MBNL1: variants seen among roughly 807,000 people sequenced by gnomAD.
The protein encoded by MBNL1 is muscleblind like splicing regulator 1, also known as muscleblind-like protein 1.
A neutral mutation model predicts 42.2 loss-of-function variants in MBNL1; 8 were observed. The observed-to-expected ratio is 0.19, with a 90% CI of 0.11 to 0.34. The LOEUF is 0.34. Ranked by LOEUF, MBNL1 falls within the 10% of genes least tolerant of loss-of-function variation. MBNL1 has a pLI of 1.00. For synonymous variants in MBNL1, 169 were observed against 173.9 expected, an observed-to-expected ratio of 0.97 and a Z score of 0.22; for missense variants, 309 against 495.3, an observed-to-expected ratio of 0.62 and a Z score of 3.57.
At chr3:152,401,114 A>C (rs970948492) in intron 2 of MBNL1, among the ~76,000 whole-genome samples, 3 of 152,242 alleles carry the variant, frequency 2.0e-5, no homozygotes, top group African/African-American at 7.2e-5. Flanking sequence ...TAAGCTTTAC[A>C]GTATTGTCAA....
At chr3:152,323,784 C>T (rs1239784749) in intron 2 of MBNL1, among the ~76,000 whole-genome samples, 1 of 152,122 alleles carries the variant, frequency 6.6e-6, no homozygotes, top group Non-Finnish European at 1.5e-5. Flanking sequence ...AGGAATTTTT[C>T]AGCTCCATTG....
chr3:152,286,378 ATATTTAAT>A (rs1457505869), intron 1 of MBNL1, among the ~76,000 whole-genome samples: 1 of 138,128 alleles, frequency 7.2e-6, no homozygotes, highest in South Asian at 2.2e-4. Flanking sequence ...TATAATATAA[ATATTTAAT>A]TATATTTTAT....
At chr3:152,428,234 A>G (rs1016715759) in intron 3 of MBNL1, among the ~76,000 whole-genome samples, 1 of 152,206 alleles carries the variant, frequency 6.6e-6, no homozygotes, top group Admixed American at 6.5e-5. Flanking sequence ...ATCCATTAGT[A>G]TATATGTTAA....
At chr3:152,455,736 G>T (rs932440263) in intron 7 of MBNL1, among the ~76,000 whole-genome samples, 159 bp downstream of exon 7, 2 of 152,038 alleles carry the variant, frequency 1.3e-5, no homozygotes, top group African/African-American at 4.8e-5. Context: ...AATTGACATG[G>T]ACTCACATAA....
At chr3:152,316,214 T>C (rs2071279176) in intron 2 of MBNL1, among the ~76,000 whole-genome samples, 2 of 152,246 alleles carry the variant, frequency 1.3e-5, no homozygotes, top group Admixed American at 1.3e-4. Context: ...TAAACAATTA[T>C]GACTGCCTTT....
chr3:152,413,493 A>G (rs1053020166), intron 2 of MBNL1, among the ~76,000 whole-genome samples: 3 of 152,196 alleles, frequency 2.0e-5, no homozygotes, highest in African/African-American at 7.2e-5. Context: ...CCTGCTGCCT[A>G]CTGATTTCAA....
intron 2 of MBNL1, among the ~76,000 whole-genome samples, chr3:152,394,425 T>C (rs2097847079): frequency 6.6e-6 from 1 of 152,258 alleles, no homozygotes; most frequent in Non-Finnish European, 1.5e-5. Flanking sequence ...GTTTATACGG[T>C]ACATATGCCT....
rs772933340 is a variant in MBNL1 at position 152,432,803 on chromosome 3, G to A, written c.432G>A (p.Leu144=). 6.2e-7 allele frequency: 1 copy of A among 1,614,186 alleles called. No individual in the cohort carries two copies. The highest frequency in any genetic ancestry group is 8.5e-7 in the Non-Finnish European group (1 of 1,180,036). Residue 144 remains leucine, a synonymous_variant, in exon 4 of 10, where the codon CTG becomes CTA. Coordinates refer to ENST00000324210, the MANE Select transcript of MBNL1 (RefSeq NM_021038.5). The stretch of plus-strand genomic sequence containing the variant: ...ATCTGGGACCTGTTTCTCCAAGCCT[G>A]GTCCCGGCAGAGATCTTGCCGACTG... ...NPYLGPVSPS[L]VPAEILPTAP... is the part of the protein sequence containing the mutation.
intron 2 of MBNL1, among the ~76,000 whole-genome samples, chr3:152,252,492 A>G (rs1251999695): frequency 6.6e-6 from 1 of 151,932 alleles, no homozygotes; most frequent in Non-Finnish European, 1.5e-5. Context: ...TGCCTTAGAC[A>G]TTTCTACTAA....
chr3:152,261,777 A>C (rs1371034755), intron 2 of MBNL1, among the ~76,000 whole-genome samples: 1 of 152,212 alleles, frequency 6.6e-6, no homozygotes, highest in South Asian at 2.1e-4. Context: ...ATATTTGTTA[A>C]AAGTGTTTTT....
intron 2 of MBNL1, among the ~76,000 whole-genome samples, chr3:152,305,314 G>A (rs2062494647): frequency 6.6e-6 from 1 of 152,112 alleles, no homozygotes; most frequent in African/African-American, 2.4e-5. Flanking sequence ...GACACCTAGG[G>A]ACCTAGTTTG....
intron 1 of MBNL1, 25 bp downstream of exon 1, chr3:152,269,117 C>T (rs1156903217): frequency 2.2e-5 from 10 of 449,710 alleles, no homozygotes. Context: ...TCACAGTTTC[C>T]CCGCGCCGCT....
At chr3:152,284,208 ATTTCT>A (rs879477454) in intron 1 of MBNL1, among the ~76,000 whole-genome samples, 4 of 152,126 alleles carry the variant, frequency 2.6e-5, no homozygotes, top group Non-Finnish European at 5.9e-5. Context: ...GAAGGAAAAC[ATTTCT>A]TTTCCTAGGA....
At chr3:152,351,010 A>G (rs572014386) in intron 2 of MBNL1, among the ~76,000 whole-genome samples, 1 of 152,238 alleles carries the variant, frequency 6.6e-6, no homozygotes, top group Admixed American at 6.5e-5. Context: ...TACCTAGGTG[A>G]ACCTCAAAAG....
At chr3:152,295,002 A>C (rs551398148) in intron 1 of MBNL1, among the ~76,000 whole-genome samples, 32 of 152,346 alleles carry the variant, frequency 2.1e-4, no homozygotes, top group African/African-American at 7.5e-4. Flanking sequence ...TGTTACCCAC[A>C]GTGCCCTATA....
chr3:152,326,338 T>A (rs867085216), intron 2 of MBNL1, among the ~76,000 whole-genome samples: 1 of 152,158 alleles, frequency 6.6e-6, no homozygotes, highest in African/African-American at 2.4e-5. Context: ...TCCTGGAAGG[T>A]TCTGTATACT....
chr3:152,247,653 T>G (rs1215751653), intron 2 of MBNL1, among the ~76,000 whole-genome samples: 2 of 152,030 alleles, frequency 1.3e-5, no homozygotes, highest in African/African-American at 4.8e-5. Context: ...TTGTCTGACA[T>G]CATTGATGCT....
intron 2 of MBNL1, among the ~76,000 whole-genome samples, chr3:152,336,010 A>G (rs113997114): frequency 0.015 from 2,302 of 152,242 alleles, 54 homozygotes; most frequent in African/African-American, 0.053. Flanking sequence ...TTTATTGAGC[A>G]CCTACTATGT....
chr3:152,362,552 G>A (rs1470624782), intron 2 of MBNL1, among the ~76,000 whole-genome samples: 4 of 152,118 alleles, frequency 2.6e-5, no homozygotes, highest in Non-Finnish European at 5.9e-5. Flanking sequence ...GGGTTTCTTA[G>A]CCTCAGCACT....
Sources: allele counts gnomAD v4.1 joint callset (sites outside exome capture counted in the v4.1 genomes callset), GRCh38; gene constraint gnomAD v4.1.1; transcripts MANE v1.5; gene names NCBI Gene and HGNC (gene_info 2026-07-23, HGNC 2026-07-21).